The following PTGER3 variants were observed in gnomAD, a reference collection of about 807,000 sequenced individuals.
The protein encoded by PTGER3 is prostaglandin E receptor 3.
In PTGER3, 22 loss-of-function variants were observed where a neutral mutation model predicts 34.7. That is an observed-to-expected ratio of 0.63 (90% confidence interval 0.45 to 0.91). The LOEUF (loss-of-function observed/expected upper bound fraction) is 0.91, where lower values mean the gene tolerates loss of function less well. Ranked by LOEUF, PTGER3 falls within the 40% of genes least tolerant of loss-of-function variation. PTGER3 has a pLI of 0.00. For synonymous variants in PTGER3, 241 were observed against 230.1 expected (o/e 1.05, Z -0.43); for missense variants, 468 against 519.4 (o/e 0.90, Z 0.96).
intron 4 of PTGER3, among the ~76,000 whole-genome samples, chr1:70,921,576 A>G (rs1647529477): frequency 6.6e-6 from 1 of 152,030 alleles, no homozygotes. Context: ...TGGGCTTAGG[A>G]CACCCCTAAA....
At chr1:70,917,403 T>TTTTGTG (rs1340036484) in intron 4 of PTGER3, among the ~76,000 whole-genome samples, 1 of 136,278 alleles carries the variant, frequency 7.3e-6, no homozygotes, top group Non-Finnish European at 1.6e-5. Context: ...GTATTTTATT[T>TTTTGTG]TGTGTGTGTG....
chr1:70,899,789 A>G (rs1360293182), intron 4 of PTGER3, among the ~76,000 whole-genome samples: 2 of 152,096 alleles, frequency 1.3e-5, no homozygotes, highest in African/African-American at 4.8e-5. Context: ...ACTGGAACTA[A>G]GGGAGATAAG....
At chr1:70,953,825 A>T in intron 2 of PTGER3, 1 of 1,035,138 alleles carries the variant, frequency 9.7e-7, no homozygotes, top group Non-Finnish European at 1.4e-6. Flanking sequence ...GCTTGCTATA[A>T]TTTAATATGC....
chr1:70,976,018 C>T (rs1653659894), intron 2 of PTGER3, among the ~76,000 whole-genome samples: 1 of 151,994 alleles, frequency 6.6e-6, no homozygotes, highest in Admixed American at 6.6e-5. Context: ...AGGAAATGCC[C>T]TTGGGCTTGC....
intron 4 of PTGER3, among the ~76,000 whole-genome samples, chr1:70,908,485 T>A (rs1313016077): frequency 1.3e-5 from 2 of 152,182 alleles, no homozygotes; most frequent in Non-Finnish European, 2.9e-5. Flanking sequence ...TCCCAGAGTT[T>A]CCTCAGTAGG....
At chr1:70,950,480 G>T (rs978053096), downstream of PTGER3, among the ~76,000 whole-genome samples, 15 of 152,088 alleles carry the variant, frequency 9.9e-5, no homozygotes, top group African/African-American at 3.6e-4. Flanking sequence ...GACAGGGTGG[G>T]TTTGCTCACC....
intron 1 of PTGER3, among the ~76,000 whole-genome samples, chr1:71,044,454 T>A (rs867314965): frequency 6.9e-6 from 1 of 144,188 alleles, no homozygotes; most frequent in African/African-American, 2.6e-5. Context: ...AAAAAAAAAA[T>A]TCTCCTTTTT....
chr1:70,868,027 A>G (rs1445801058), intron 4 of PTGER3, among the ~76,000 whole-genome samples: 2 of 152,210 alleles, frequency 1.3e-5, no homozygotes, highest in Non-Finnish European at 2.9e-5. Context: ...GTTTTGGCCT[A>G]TAAGATAAAA....
At chr1:70,870,694 G>T (rs1646144162) in intron 4 of PTGER3, among the ~76,000 whole-genome samples, 1 of 152,164 alleles carries the variant, frequency 6.6e-6, no homozygotes. Flanking sequence ...ACCTTAGGTT[G>T]TCACTCTCAA....
At chr1:70,856,440 CAA>C (rs34715178) in intron 4 of PTGER3, among the ~76,000 whole-genome samples, 9 of 82,936 alleles carry the variant, frequency 1.1e-4, no homozygotes, top group Admixed American at 4.1e-4. Flanking sequence ...AACTTCATCT[CAA>C]AAAAAAAAAA....
At chr1:70,927,134 A>G (rs1648176154) in intron 4 of PTGER3, among the ~76,000 whole-genome samples, 1 of 152,224 alleles carries the variant, frequency 6.6e-6, no homozygotes, top group African/African-American at 2.4e-5. Context: ...ATATTGGTCT[A>G]AAATTCTCTT....
chr1:71,007,196 C>T (rs1657045035), intron 2 of PTGER3: 1 of 985,702 alleles, frequency 1.0e-6, no homozygotes, highest in East Asian at 1.1e-4. Context: ...GATTAAAGTG[C>T]CAATGATTTC....
chr1:70,948,875 A>C (rs1650472436), downstream of PTGER3, among the ~76,000 whole-genome samples: 1 of 152,154 alleles, frequency 6.6e-6, no homozygotes, highest in Non-Finnish European at 1.5e-5. Flanking sequence ...CTCTCTGTGG[A>C]TGAGTCTCTT....
intron 2 of PTGER3, among the ~76,000 whole-genome samples, chr1:70,963,653 G>T (rs1300749036): frequency 6.6e-6 from 1 of 152,136 alleles, no homozygotes; most frequent in African/African-American, 2.4e-5. Flanking sequence ...CAAGCCCCTG[G>T]CCTGCACACA....
chr1:71,029,165 T>A (rs1467591359), intron 1 of PTGER3, among the ~76,000 whole-genome samples: 1 of 152,260 alleles, frequency 6.6e-6, no homozygotes, highest in East Asian at 1.9e-4. Flanking sequence ...TTCTTATTCC[T>A]ATTCTAGTGT....
intron 2 of PTGER3, among the ~76,000 whole-genome samples, chr1:71,000,121 G>A (rs757409055): frequency 6.6e-6 from 1 of 152,174 alleles, no homozygotes; most frequent in Non-Finnish European, 1.5e-5. Flanking sequence ...CTTCCATGGG[G>A]TTTTAAACAA....
intron 2 of PTGER3, among the ~76,000 whole-genome samples, chr1:70,957,654 G>T (rs748691387): frequency 2.0e-5 from 3 of 152,070 alleles, no homozygotes; most frequent in Non-Finnish European, 2.9e-5. Context: ...GATCAAATTG[G>T]AGTAGTTATC....
At chr1:70,932,591 A>C (rs1326952504) in intron 4 of PTGER3, among the ~76,000 whole-genome samples, 2 of 152,184 alleles carry the variant, frequency 1.3e-5, no homozygotes, top group African/African-American at 2.4e-5. Flanking sequence ...GAAGATGAGA[A>C]AGCAAAAACC....
intron 2 of PTGER3, among the ~76,000 whole-genome samples, chr1:70,981,345 T>C (rs1654288513): frequency 1.4e-5 from 1 of 72,922 alleles, no homozygotes; most frequent in Non-Finnish European, 2.8e-5. Context: ...CTTTCTTTCT[T>C]TCTTTCTTTC....
Sources: gnomAD v4.1 joint callset for allele counts (sites outside exome capture counted in the v4.1 genomes callset) on GRCh38, gnomAD v4.1.1 for gene constraint, MANE v1.5 for transcripts, NCBI Gene and HGNC (gene_info 2026-07-23, HGNC 2026-07-21) for gene names.